Variants in SLC22A23 observed in about 807,000 individuals in gnomAD.
SLC22A23 encodes solute carrier family 22 member 23, also known as ion transporter protein.
SLC22A23 carries 26 observed loss-of-function variants against 61.0 expected under a neutral mutation model. The ratio of observed to expected loss-of-function variants is 0.43; its 90% CI spans 0.31 to 0.59. SLC22A23 has a LOEUF of 0.59. Ranked by LOEUF, SLC22A23 falls within the 20% of genes least tolerant of loss-of-function variation. The probability of loss-of-function intolerance (pLI) is 0.11; values close to 1 mark genes in which losing one functional copy is unlikely to be tolerated. For missense variants in SLC22A23, 796 were observed against 934.7 expected (o/e 0.85, Z 1.94); for synonymous variants, 430 against 413.9 (o/e 1.04, Z -0.47).
rs944935273 is a variant in SLC22A23 at position 3,427,229 on chromosome 6, G to C, written c.655-11374C>G. Among the ~76,000 whole-genome samples the C allele has an allele frequency of 1.3e-5, 2 of 152,150 alleles. No individual in the cohort carries two copies. The highest frequency in any genetic ancestry group is 2.9e-5 in the Non-Finnish European group (2 of 68,022). ...TGTTACAAGAGTCAAAAATAACATC[G>C]GGAATGCGCCTGGTGCAGTAACCGG... is the stretch of plus-strand genomic sequence containing the variant. On this transcript the variant is annotated intron_variant, in intron 1 of 9. Transcript: ENST00000406686. This position sits in a 1 kb window ranked among gnomAD's most constrained non-coding sequence, Gnocchi z 4.3.
At chr6:3,341,412 G>A (rs867701021) in intron 3 of SLC22A23, among the ~76,000 whole-genome samples, 6 of 152,148 alleles carry the variant, frequency 3.9e-5, no homozygotes, top group Non-Finnish European at 8.8e-5. Flanking sequence ...TTTTTAGAAT[G>A]GCAGATGTCA....
At chr6:3,443,868 T>C (rs868572879) in intron 1 of SLC22A23, among the ~76,000 whole-genome samples, 5 of 152,168 alleles carry the variant, frequency 3.3e-5, no homozygotes, top group African/African-American at 1.2e-4. Flanking sequence ...CGAAGCCAGT[T>C]TGAAGTGGGA....
chr6:3,271,702 G>A lies in SLC22A23; in HGVS notation c.*1353C>T, dbSNP rs1300478447. On this transcript the variant is annotated 3_prime_UTR_variant, in exon 10 of 10. Coordinates refer to ENST00000406686, the MANE Select transcript of SLC22A23 (RefSeq NM_015482.2). ...AAGTGGTGCCTGCCCTTGCCAAGGA[G>A]GCTGTCTCTTAGTCGCCTTGGGTGT... The A allele has an allele frequency of 1.3e-5, 2 of 152,368 alleles. No homozygotes were observed. Among genetic ancestry groups the A allele is most frequent in the Non-Finnish European group, 2.9e-5 (2 of 68,044 alleles). 9.4% of individuals were successfully genotyped at this position (152,368 alleles called of 1,614,324 possible). A position where few individuals can be genotyped will look rare whatever the true frequency, so the allele number is the denominator to read the frequency against.
At position 3,387,690 on chromosome 6, in the gene SLC22A23, G is replaced by GT. The variant is rs1767398351; in HGVS notation, c.913+22497dup. Among the ~76,000 whole-genome samples the GT allele has an allele frequency of 6.6e-6, 1 of 152,204 alleles. No individual in the cohort carries two copies. Among genetic ancestry groups the GT allele is most frequent in the South Asian group, 2.1e-4 (1 of 4,836 alleles). ...TCTGTACTGCCTTTGCCATTCCTCT[G>GT]TAAGTCTAAAATTATTTTAACTGTA... On this transcript the variant is annotated intron_variant, in intron 3 of 9. Transcript: ENST00000406686. This position sits in a 1 kb window ranked among gnomAD's most constrained non-coding sequence, Gnocchi z 5.0.
intron 5 of SLC22A23, among the ~76,000 whole-genome samples, chr6:3,293,196 A>G (rs1010909403): frequency 6.6e-6 from 1 of 152,212 alleles, no homozygotes; most frequent in African/African-American, 2.4e-5. Context: ...TTGGAAAAAC[A>G]TCAGTTATAG....
At chr6:3,421,393 C>A (rs1383491353) in intron 1 of SLC22A23, among the ~76,000 whole-genome samples, 1 of 152,158 alleles carries the variant, frequency 6.6e-6, no homozygotes, top group Non-Finnish European at 1.5e-5. Flanking sequence ...TGTAACTTAT[C>A]AGAGCAAAAG....
chr6:3,276,354 A>C (rs1169827755), intron 9 of SLC22A23, among the ~76,000 whole-genome samples: 1 of 152,174 alleles, frequency 6.6e-6, no homozygotes, highest in Non-Finnish European at 1.5e-5. Flanking sequence ...CCAGCCCATG[A>C]CCAAGTCCTC....
In SLC22A23 at chr6:3,328,236, T is replaced by C. The variant is rs1186670246; in HGVS notation, c.914-4234A>G. Among the ~76,000 whole-genome samples, 1 of 151,688 alleles carries C rather than the reference T, an allele frequency of 6.6e-6. No individual in the cohort carries two copies. The highest frequency in any genetic ancestry group is 1.5e-5 in the Non-Finnish European group (1 of 67,992). On this transcript the variant is annotated intron_variant, in intron 3 of 9. Coordinates refer to ENST00000406686, the MANE Select transcript of SLC22A23 (RefSeq NM_015482.2). The surrounding 1 kb of genome is among the most constrained non-coding windows in gnomAD (Gnocchi z 5.0). The stretch of plus-strand genomic sequence containing the variant: ...AAACAGTACGTAGCTGAGACTGAAC[T>C]GAGGCATTTGTTTAGTGAATCAACA...
chr6:3,360,610 A>G lies in SLC22A23; in HGVS notation c.914-36608T>C, dbSNP rs1040017941. On this transcript the variant is annotated intron_variant, in intron 3 of 9. Coordinates refer to ENST00000406686, the MANE Select transcript of SLC22A23 (RefSeq NM_015482.2). This position sits in a 1 kb window ranked among gnomAD's most constrained non-coding sequence, Gnocchi z 4.6. ...GAGTCAACCTCAACAGTCTTAGTCCACACATCTCTGTATTTCCGGTCACTT... is the reference window on the plus strand; with the variant it reads ...GAGTCAACCTCAACAGTCTTAGTCCGCACATCTCTGTATTTCCGGTCACTT... Among the ~76,000 whole-genome samples the G allele has an allele frequency of 1.3e-5, 2 of 152,228 alleles. No homozygotes were observed. The highest frequency in any genetic ancestry group is 4.8e-5 in the African/African-American group (2 of 41,460).
chr6:3,321,336 A>C (rs1213814959), intron 4 of SLC22A23, among the ~76,000 whole-genome samples: 1 of 152,246 alleles, frequency 6.6e-6, no homozygotes, highest in Admixed American at 6.5e-5. Context: ...GTAAGCGGGA[A>C]GCAGAGCACC....
rs973431775 is a variant in SLC22A23, at chr6:3,386,576, G to C, written c.913+23612C>G. Among the ~76,000 whole-genome samples, 2 of 152,222 alleles carry C rather than the reference G, an allele frequency of 1.3e-5. No individual in the cohort carries two copies. Among genetic ancestry groups the C allele is most frequent in the African/African-American group, 4.8e-5 (2 of 41,460 alleles). On this transcript the variant is annotated intron_variant, in intron 3 of 9. Transcript: ENST00000406686. The surrounding 1 kb of genome is among the most constrained non-coding windows in gnomAD (Gnocchi z 4.4). ...GGAGGCTGGCACTGCCAGGCTTGGAGGCTGCTTGCTCCTCAGTAGCCGTGC... is the reference window on the plus strand; with the variant it reads ...GGAGGCTGGCACTGCCAGGCTTGGACGCTGCTTGCTCCTCAGTAGCCGTGC...
chr6:3,289,803 C>T lies in SLC22A23; in HGVS notation c.1274G>A (p.Arg425Gln), dbSNP rs1305855138. The T allele has an allele frequency of 1.9e-6, 3 of 1,614,022 alleles. No homozygotes were observed. The highest frequency in any genetic ancestry group is 1.1e-5 in the South Asian group (1 of 91,078). The change falls in exon 6 of 10, where the codon CGG (arginine) becomes CAG (glutamine). Residue 425 changes from arginine (R) to glutamine (Q), a missense_variant. Coordinates refer to ENST00000406686, the MANE Select transcript of SLC22A23 (RefSeq NM_015482.2). The part of the protein sequence containing the change: ...KVCIVKVVGT[R>Q]NLWKNIVVLC... Reference sequence around the variant, plus strand: ...GACCACAATGTTCTTCCACAGGTTCCGTGTCCCCACCACCTTCACGATGCA... The same window carrying T: ...GACCACAATGTTCTTCCACAGGTTCTGTGTCCCCACCACCTTCACGATGCA...
At chr6:3,307,691 G>A (rs754139338) in intron 4 of SLC22A23, among the ~76,000 whole-genome samples, 6 of 152,254 alleles carry the variant, frequency 3.9e-5, no homozygotes, top group East Asian at 3.8e-4. Flanking sequence ...GACAGCCCCC[G>A]GTGTGACACT....
At chr6:3,287,632 A>G (rs1328514996) in intron 6 of SLC22A23, among the ~76,000 whole-genome samples, 1 of 151,942 alleles carries the variant, frequency 6.6e-6, no homozygotes, top group Non-Finnish European at 1.5e-5. Flanking sequence ...GGAGTCGGGC[A>G]GAAGCCAGGC....
chr6:3,394,286 C>A (rs936014035), intron 3 of SLC22A23, among the ~76,000 whole-genome samples: 24 of 152,058 alleles, frequency 1.6e-4, no homozygotes, highest in Admixed American at 3.9e-4. Context: ...ATCAGATACT[C>A]CCCCAGCAAC....
rs913527 is a variant in SLC22A23 at position 3,372,011 on chromosome 6, G to A, written c.913+38177C>T. ...AATATGGTATCTTCTTTAATCCCAC[G>A]ACCATCCCAGGAGGTATGTACTCTC... On this transcript the variant is annotated intron_variant, in intron 3 of 9. Coordinates refer to ENST00000406686, the MANE Select transcript of SLC22A23 (RefSeq NM_015482.2). This position sits in a 1 kb window ranked among gnomAD's most constrained non-coding sequence, Gnocchi z 4.7. Among the ~76,000 whole-genome samples, 60,982 of 152,032 alleles carry A rather than the reference G, an allele frequency of 0.4. 12,625 individuals are homozygous for A. Among genetic ancestry groups the A allele is most frequent in the African/African-American group, 0.51 (20,971 of 41,450 alleles).
rs1202140843 is a variant in SLC22A23, at chr6:3,308,107, G to A, written c.1083-9889C>T. Among the ~76,000 whole-genome samples, 1 of 152,210 alleles carries A rather than the reference G, an allele frequency of 6.6e-6. No homozygotes were observed. Among genetic ancestry groups the A allele is most frequent in the East Asian group, 1.9e-4 (1 of 5,190 alleles). On this transcript the variant is annotated intron_variant, in intron 4 of 9. Transcript: ENST00000406686. This position sits in a 1 kb window ranked among gnomAD's most constrained non-coding sequence, Gnocchi z 5.1. ...AAAAATTCTAGAAATGGATGGTGGAGATGGCTGCACAACATCGCGTTGTGG... is the reference window on the plus strand; with the variant it reads ...AAAAATTCTAGAAATGGATGGTGGAAATGGCTGCACAACATCGCGTTGTGG...
At position 3,347,543 on chromosome 6, in the gene SLC22A23, G is replaced by A. The variant is rs76037940; in HGVS notation, c.914-23541C>T. Among the ~76,000 whole-genome samples, 928 of 152,000 alleles carry A rather than the reference G, an allele frequency of 6.1e-3. 5 individuals are homozygous for A. Among genetic ancestry groups the A allele is most frequent in the African/African-American group, 0.021 (886 of 41,476 alleles). ...CCAGCCATGCAATGAACTGCCAAAT[G>A]CCTCAGGTATCTGCTTGATCTCTTG... On this transcript the variant is annotated intron_variant, in intron 3 of 9. Transcript: ENST00000406686.
chr6:3,324,125 CCCA>C lies in SLC22A23; in HGVS notation c.914-126_914-124del. ...CGACTGAAATTGTTTTCATCTGCTG[CCCA>C]CCACAAGTGCCCTATGTGGTGTGCC... On this transcript the variant is annotated intron_variant, in intron 3 of 9. Coordinates refer to ENST00000406686, the MANE Select transcript of SLC22A23 (RefSeq NM_015482.2). This position sits in a 1 kb window ranked among gnomAD's most constrained non-coding sequence, Gnocchi z 4.3. 1.6e-6 allele frequency: 2 copies of C among 1,241,254 alleles called. No individual in the cohort carries two copies. Among genetic ancestry groups the C allele is most frequent in the East Asian group, 2.4e-5 (1 of 41,310 alleles). 76.9% of individuals were successfully genotyped at this position (1,241,254 alleles called of 1,614,324 possible). A position where few individuals can be genotyped will look rare whatever the true frequency, so the allele number is the denominator to read the frequency against.
Sources: gnomAD v4.1 joint callset for allele counts (sites outside exome capture counted in the v4.1 genomes callset) on GRCh38, gnomAD v4.1.1 for gene constraint, Gnocchi (gnomAD v3.1) non-coding constraint, MANE v1.5 for transcripts, NCBI Gene and HGNC (gene_info 2026-07-23, HGNC 2026-07-21) for gene names.